The following UBN2 variants were observed in gnomAD, a reference collection of about 807,000 sequenced individuals.
UBN2 encodes the protein ubinuclein-2.
UBN2 carries 35 observed loss-of-function variants against 120.2 expected under a neutral mutation model. That is an observed-to-expected ratio of 0.29 (90% CI 0.22 to 0.39). UBN2 has a LOEUF of 0.39. UBN2 is among the 10% of genes least tolerant of loss of function. UBN2 has a pLI of 1.00. For synonymous variants in UBN2, 661 were observed against 648.7 expected, an observed-to-expected ratio of 1.02 and a Z score of -0.29; for missense variants, 1,693 against 1,663.2, an observed-to-expected ratio of 1.02 and a Z score of -0.31.
intron 12 of UBN2, chr7:139,277,083 T>G (rs1347436173): frequency 6.0e-5 from 9 of 149,684 alleles, no homozygotes; most frequent in Non-Finnish European, 1.2e-4. Flanking sequence ...AAGGGGGGGG[T>G]TATTAAAATA....
chr7:139,244,538 A>G (rs1199042087), intron 2 of UBN2, among the ~76,000 whole-genome samples: 1 of 152,116 alleles, frequency 6.6e-6, no homozygotes, highest in Non-Finnish European at 1.5e-5. Context: ...TGAGCAATAC[A>G]TGAATATGTT....
downstream of UBN2, among the ~76,000 whole-genome samples, chr7:139,308,423 T>C (rs961827839): frequency 3.9e-5 from 6 of 152,088 alleles, no homozygotes; most frequent in African/African-American, 1.4e-4. Context: ...AGATAATGGT[T>C]CAAAATCTGT....
Position 139,274,071 on chromosome 7 carries a change from C to G in UBN2, c.1970C>G (p.Ala657Gly). ...CTGTGGCCTAAGGGCTGGATGCAGG[C>G]AAGGTAAGAAATGTGACTTACTGGA... ...KPLWPKGWMQARMLFKESRSV... is the reference protein window; with the variant it reads ...KPLWPKGWMQGRMLFKESRSV... The change falls in exon 11 of 18, where the codon GCA becomes GGA. Residue 657 changes from alanine (A) to glycine (G), a missense_variant. This residue lies in a region of UBN2 where 10 missense variants were observed against 34.3 expected (regional missense o/e 0.29). Coordinates refer to ENST00000473989, the MANE Select transcript of UBN2 (RefSeq NM_173569.4). 6.3e-7 allele frequency: 1 copy of G among 1,586,072 alleles called. No homozygotes were observed. The highest frequency in any genetic ancestry group is 8.5e-7 in the Non-Finnish European group (1 of 1,172,786).
intron 15 of UBN2, among the ~76,000 whole-genome samples, chr7:139,286,805 C>G (rs1797802984): frequency 6.6e-6 from 1 of 152,024 alleles, no homozygotes; most frequent in African/African-American, 2.4e-5. Flanking sequence ...GAAGAGTTTC[C>G]CCTTGCTGTA....
In UBN2 at chr7:139,305,931, A is replaced by G. The variant is rs1162574869; in HGVS notation, c.*8095A>G. 3 of 152,320 alleles carry G rather than the reference A, an allele frequency of 2.0e-5. No homozygotes were observed. Among genetic ancestry groups the G allele is most frequent in the African/African-American group, 7.2e-5 (3 of 41,576 alleles). The allele number at this position is 152,320 out of a possible 1,614,324, so 9.4% of individuals were successfully genotyped here. The stretch of plus-strand genomic sequence containing the variant: ...TTCATACTCCCCCTGAAATAAGCCT[A>G]CTTTTGCAAACAGGCCATATGAATC... On this transcript the variant is annotated 3_prime_UTR_variant, in exon 18 of 18. Transcript: ENST00000473989.
At chr7:139,254,031 C>T (rs1397238816) in intron 3 of UBN2, among the ~76,000 whole-genome samples, 9 of 152,154 alleles carry the variant, frequency 5.9e-5, no homozygotes, top group Admixed American at 6.6e-5. Flanking sequence ...CGGTGGCTCA[C>T]GCCTGTAATC....
In UBN2 at chr7:139,284,433, CAACCTT is replaced by C. The variant is rs1484911220; in HGVS notation, c.3532_3537del (p.Leu1178_Asn1179del). On this transcript the variant is annotated inframe_deletion, in exon 15 of 18. Transcript: ENST00000473989. ...TGAATGTACCTGCCAGCAGAGGTAG[CAACCTT>C]AACTCAAGCGGAGCTAATAGGACTA... is the stretch of plus-strand genomic sequence containing the variant. 6.2e-7 allele frequency: 1 copy of C among 1,614,060 alleles called. No individual in the cohort carries two copies. Among genetic ancestry groups the C allele is most frequent in the Admixed American group, 1.7e-5 (1 of 60,002 alleles).
chr7:139,293,479 C>G lies in UBN2; in HGVS notation c.3901+16C>G. The G allele has an allele frequency of 1.2e-6, 2 of 1,609,678 alleles. No homozygotes were observed. Among genetic ancestry groups the G allele is most frequent in the East Asian group, 2.2e-5 (1 of 44,838 alleles). On this transcript the variant is annotated intron_variant, in intron 16 of 17. Coordinates refer to ENST00000473989, the MANE Select transcript of UBN2 (RefSeq NM_173569.4). ...CTAACTCAGAGTAAGTGGGGCTCTT[C>G]TATTTGGTTGGGCTGTCTAGCTTGA...
chr7:139,326,274 A>G, the UBN2 span, among the ~76,000 whole-genome samples: 1 of 151,998 alleles, frequency 6.6e-6, no homozygotes, highest in Admixed American at 6.5e-5. Flanking sequence ...CAAACAAACA[A>G]ACAAACAAAC....
chr7:139,273,792 A>G (rs1797360312), intron 10 of UBN2, 139 bp from the exon 11 acceptor site: 3 of 653,742 alleles, frequency 4.6e-6, no homozygotes, highest in Non-Finnish European at 7.2e-6. Context: ...TTCATATTGC[A>G]GGTTTGACTG....
the UBN2 span, among the ~76,000 whole-genome samples, chr7:139,318,687 A>G: frequency 6.6e-6 from 1 of 151,920 alleles, no homozygotes; most frequent in Non-Finnish European, 1.5e-5. Flanking sequence ...TGAGGCCTGG[A>G]TTTAAAGAAG....
intron 8 of UBN2, among the ~76,000 whole-genome samples, chr7:139,271,349 G>A (rs980583124): frequency 1.3e-5 from 2 of 152,102 alleles, no homozygotes; most frequent in Admixed American, 1.3e-4. Flanking sequence ...CACTTTGGGA[G>A]GCCGAGGCAG....
At chr7:139,253,646 AAAGG>A (rs1285194059) in intron 3 of UBN2, among the ~76,000 whole-genome samples, 1 of 152,224 alleles carries the variant, frequency 6.6e-6, no homozygotes, top group African/African-American at 2.4e-5. Flanking sequence ...TACAAAAGGA[AAAGG>A]AATTTAGGAG....
intron 17 of UBN2, among the ~76,000 whole-genome samples, 198 bp downstream of exon 17, chr7:139,294,179 AAAG>A (rs1300431428): frequency 1.3e-5 from 2 of 152,260 alleles, no homozygotes; most frequent in Non-Finnish European, 2.9e-5. Flanking sequence ...TAACATATAA[AAAG>A]AGCCTTTTTG....
chr7:139,280,715 G>A (rs771565243), intron 13 of UBN2, among the ~76,000 whole-genome samples: 10 of 152,028 alleles, frequency 6.6e-5, no homozygotes, highest in Non-Finnish European at 1.5e-4. Context: ...GTGCGATCTC[G>A]GCTCACTGCA....
chr7:139,267,349 C>T (rs569177991), intron 7 of UBN2, among the ~76,000 whole-genome samples: 1 of 152,156 alleles, frequency 6.6e-6, no homozygotes, highest in Non-Finnish European at 1.5e-5. Flanking sequence ...GCTTGGGGAA[C>T]ATAGTGAAAC....
the UBN2 span, among the ~76,000 whole-genome samples, chr7:139,317,239 CG>C: frequency 6.6e-6 from 1 of 151,952 alleles, no homozygotes; most frequent in African/African-American, 2.4e-5. Flanking sequence ...CTGGAGTGCA[CG>C]GCTCACTGCA....
chr7:139,240,725 C>G (rs1304412526), intron 2 of UBN2, among the ~76,000 whole-genome samples: 2 of 152,042 alleles, frequency 1.3e-5, no homozygotes, highest in Non-Finnish European at 2.9e-5. Flanking sequence ...TCCATTGTGT[C>G]CTATTTTTAT....
chr7:139,281,425 A>G (rs868501187), intron 13 of UBN2, among the ~76,000 whole-genome samples: 2 of 152,216 alleles, frequency 1.3e-5, no homozygotes, highest in Admixed American at 6.5e-5. Flanking sequence ...CAGTCAGAGA[A>G]TAAAAGCTCT....
Sources: allele counts gnomAD v4.1 joint callset (sites outside exome capture counted in the v4.1 genomes callset), GRCh38; gene constraint gnomAD v4.1.1; regional missense constraint gnomAD v4.1.1; transcripts MANE v1.5; gene names NCBI Gene and HGNC (gene_info 2026-07-23, HGNC 2026-07-21).